The following DPP6 variants were observed in gnomAD, a reference collection of about 807,000 sequenced individuals.
The protein encoded by DPP6 is A-type potassium channel modulatory protein DPP6.
A neutral mutation model predicts 122.6 loss-of-function variants in DPP6; 69 were observed. The ratio of observed to expected loss-of-function variants is 0.56; its 90% CI spans 0.46 to 0.69. DPP6 has a LOEUF of 0.69. Ranked by LOEUF, DPP6 falls within the 30% of genes least tolerant of loss-of-function variation. The probability of loss-of-function intolerance (pLI) is 0.00; values close to 1 mark genes in which losing one functional copy is unlikely to be tolerated. For synonymous variants in DPP6, 418 were observed against 433.1 expected (o/e 0.97, Z 0.43); for missense variants, 928 against 1,116.9 (o/e 0.83, Z 2.41).
At chr7:154,333,316 G>C (rs1809119573) in intron 1 of DPP6, among the ~76,000 whole-genome samples, 1 of 151,848 alleles carries the variant, frequency 6.6e-6, no homozygotes, top group South Asian at 2.1e-4. Flanking sequence ...TCTTTAATGT[G>C]AAAGGCAAAC....
chr7:153,914,157 G>A (rs1252441097), intron 1 of DPP6, among the ~76,000 whole-genome samples: 3 of 152,130 alleles, frequency 2.0e-5, no homozygotes, highest in Non-Finnish European at 4.4e-5. Flanking sequence ...TACTGAATAA[G>A]TCCCACAAGG....
At chr7:153,866,351 A>G in the DPP6 span, among the ~76,000 whole-genome samples, 7 of 152,156 alleles carry the variant, frequency 4.6e-5, 1 homozygote, top group Admixed American at 3.3e-4. Flanking sequence ...CGTTCTACCT[A>G]GTGTGAGATG....
chr7:154,226,434 A>G (rs1800607357), intron 1 of DPP6, among the ~76,000 whole-genome samples: 2 of 152,234 alleles, frequency 1.3e-5, no homozygotes, highest in Admixed American at 1.3e-4. Context: ...AGAATGTGAA[A>G]GGCATCAGTA....
At chr7:154,743,115 A>G (rs1842888207) in intron 8 of DPP6, among the ~76,000 whole-genome samples, 1 of 152,228 alleles carries the variant, frequency 6.6e-6, no homozygotes, top group Admixed American at 6.5e-5. Context: ...GAAGTCTTCC[A>G]TCAGGTGAGG....
intron 16 of DPP6, among the ~76,000 whole-genome samples, chr7:154,813,505 A>C (rs546050569): frequency 9.8e-5 from 15 of 152,298 alleles, no homozygotes; most frequent in African/African-American, 2.6e-4. Flanking sequence ...TATAGCCACT[A>C]TATCCACTCA....
the DPP6 span, among the ~76,000 whole-genome samples, chr7:153,844,716 T>G: frequency 6.6e-6 from 1 of 152,246 alleles, no homozygotes; most frequent in South Asian, 2.1e-4. Context: ...AAGACTCTTA[T>G]GATAGACTTT....
chr7:154,800,656 T>C (rs1421399658), intron 12 of DPP6, among the ~76,000 whole-genome samples: 1 of 152,180 alleles, frequency 6.6e-6, no homozygotes, highest in Non-Finnish European at 1.5e-5. Context: ...GCTGATTCTG[T>C]TTCCAGGGAA....
intron 4 of DPP6, among the ~76,000 whole-genome samples, chr7:154,545,999 C>T (rs1829154656): frequency 6.6e-6 from 1 of 152,024 alleles, no homozygotes; most frequent in African/African-American, 2.4e-5. Flanking sequence ...GGAGCAGTAA[C>T]AATATTGATG....
chr7:154,370,081 C>T (rs1027878198), intron 1 of DPP6, among the ~76,000 whole-genome samples: 1 of 152,016 alleles, frequency 6.6e-6, no homozygotes, highest in Admixed American at 6.6e-5. Context: ...CTCTTGGGTT[C>T]AAGCCATTCT....
rs184062470 is a variant in DPP6, at chr7:154,682,729, T to G, written c.762+13288T>G. On this transcript the variant is annotated intron_variant, in intron 7 of 25. Transcript: ENST00000377770. ...TTTGCAGAATTTTGTTAGCCCTGAT[T>G]GATTATTAGAGGTTAATTATCAATA... Among the ~76,000 whole-genome samples, 7 of 152,336 alleles carry G rather than the reference T, an allele frequency of 4.6e-5. No individual in the cohort carries two copies. In the East Asian group the frequency reaches 1.4e-3, roughly 29 times the overall value.
intron 4 of DPP6, among the ~76,000 whole-genome samples, chr7:154,565,557 C>T (rs749709305): frequency 6.6e-5 from 10 of 151,988 alleles, no homozygotes; most frequent in Non-Finnish European, 2.9e-5. Context: ...TGGAGTGTCG[C>T]TCTTGTCGCC....
chr7:153,914,415 T>C (rs974217995), intron 1 of DPP6, among the ~76,000 whole-genome samples: 35 of 152,178 alleles, frequency 2.3e-4, no homozygotes, highest in African/African-American at 8.4e-4. Flanking sequence ...CAGTTCTCCA[T>C]ACCTTCCCTG....
At chr7:154,023,272 G>A (rs1485246936) in intron 1 of DPP6, among the ~76,000 whole-genome samples, 2 of 144,974 alleles carry the variant, frequency 1.4e-5, no homozygotes, top group African/African-American at 5.1e-5. Context: ...CCTAATGCAA[G>A]GTGAATAATA....
chr7:154,614,231 G>A (rs190438063), intron 5 of DPP6, among the ~76,000 whole-genome samples: 5 of 152,254 alleles, frequency 3.3e-5, no homozygotes, highest in South Asian at 2.1e-4. Context: ...GTTAGCTTGC[G>A]TTAGCTTCTT....
the DPP6 span, among the ~76,000 whole-genome samples, chr7:153,816,273 C>CA: frequency 6.6e-6 from 1 of 151,724 alleles, no homozygotes; most frequent in Admixed American, 6.6e-5. Context: ...AAAAGGAAAA[C>CA]AAGATCTGGT....
chr7:154,677,600 A>G (rs1262999121), intron 7 of DPP6, among the ~76,000 whole-genome samples: 2 of 152,214 alleles, frequency 1.3e-5, no homozygotes, highest in African/African-American at 4.8e-5. Context: ...AGCAGATCGG[A>G]GGGATGGAGG....
At chr7:154,404,860 G>A (rs1169597330) in intron 1 of DPP6, among the ~76,000 whole-genome samples, 1 of 152,074 alleles carries the variant, frequency 6.6e-6, no homozygotes, top group Non-Finnish European at 1.5e-5. Context: ...GTAACATTAT[G>A]TACAGACCCA....
chr7:153,894,319 G>A (rs1408387421), intron 1 of DPP6, among the ~76,000 whole-genome samples: 1 of 152,132 alleles, frequency 6.6e-6, no homozygotes, highest in Non-Finnish European at 1.5e-5. Context: ...GACCTCTTTT[G>A]GTTGTGGGAG....
At chr7:153,891,219 T>G (rs1296738712) in intron 1 of DPP6, among the ~76,000 whole-genome samples, 1 of 150,640 alleles carries the variant, frequency 6.6e-6, no homozygotes, top group African/African-American at 2.4e-5. Context: ...AGACGGGGTT[T>G]CGCCATGTTA....
Sources: gnomAD v4.1 joint callset for allele counts (sites outside exome capture counted in the v4.1 genomes callset) on GRCh38, gnomAD v4.1.1 for gene constraint, MANE v1.5 for transcripts, NCBI Gene and HGNC (gene_info 2026-07-23, HGNC 2026-07-21) for gene names.